Variants in NRG1 observed in about 807,000 individuals in gnomAD.
The protein encoded by NRG1 is pro-neuregulin-1, membrane-bound isoform.
In NRG1, 18 loss-of-function variants were observed where a neutral mutation model predicts 63.8. The ratio of observed to expected loss-of-function variants is 0.28; its 90% confidence interval spans 0.19 to 0.42. NRG1 has a LOEUF of 0.42. Ranked by LOEUF, NRG1 falls within the 10% of genes least tolerant of loss-of-function variation. NRG1 has a pLI of 1.00. For synonymous variants in NRG1, 302 were observed against 301.3 expected, an observed-to-expected ratio of 1.00 and a Z score of -0.02; for missense variants, 762 against 814.7, an observed-to-expected ratio of 0.94 and a Z score of 0.79.
intron 1 of NRG1, among the ~76,000 whole-genome samples, chr8:32,177,361 G>A (rs1840899540): frequency 6.6e-6 from 1 of 151,766 alleles, no homozygotes; most frequent in Non-Finnish European, 1.5e-5. Flanking sequence ...ATAGCATTAG[G>A]AGGTATACCT....
chr8:32,182,395 C>T (rs972351151), intron 1 of NRG1, among the ~76,000 whole-genome samples: 9 of 152,094 alleles, frequency 5.9e-5, no homozygotes, highest in Non-Finnish European at 1.3e-4. Flanking sequence ...TACAGGCATG[C>T]GCCACCATAC....
intron 1 of NRG1, among the ~76,000 whole-genome samples, chr8:32,096,747 C>T (rs1829950779): frequency 6.6e-6 from 1 of 152,160 alleles, no homozygotes. Flanking sequence ...GGAATTAACT[C>T]ACTCCCGATC....
chr8:31,827,726 C>A (rs967698652), intron 1 of NRG1, among the ~76,000 whole-genome samples: 1 of 152,156 alleles, frequency 6.6e-6, no homozygotes, highest in Non-Finnish European at 1.5e-5. Flanking sequence ...CTCTCTTCTT[C>A]TTTCTCTTTA....
intron 1 of NRG1, among the ~76,000 whole-genome samples, chr8:32,056,364 C>T (rs1008824895): frequency 6.6e-6 from 1 of 152,182 alleles, no homozygotes; most frequent in Admixed American, 6.6e-5. Flanking sequence ...CTGCTTTAGT[C>T]GCTGTGACCA....
At chr8:32,413,757 C>T (rs924007113) in intron 1 of NRG1, among the ~76,000 whole-genome samples, 1 of 152,136 alleles carries the variant, frequency 6.6e-6, no homozygotes, top group African/African-American at 2.4e-5. Context: ...CAGTGTGCAT[C>T]TCTAGCACAC....
intron 1 of NRG1, among the ~76,000 whole-genome samples, chr8:31,663,690 C>T (rs1464631747): frequency 1.3e-5 from 2 of 152,110 alleles, no homozygotes; most frequent in East Asian, 3.9e-4. Flanking sequence ...GGGAAGAGGG[C>T]TGGGTTATGT....
At chr8:32,010,477 T>G (rs1446480332) in intron 1 of NRG1, among the ~76,000 whole-genome samples, 4 of 152,086 alleles carry the variant, frequency 2.6e-5, no homozygotes, top group African/African-American at 9.7e-5. Flanking sequence ...CTGCTTTCTC[T>G]GAAATCAACT....
At chr8:32,649,769 G>A (rs1854596186) in intron 5 of NRG1, among the ~76,000 whole-genome samples, 1 of 152,130 alleles carries the variant, frequency 6.6e-6, no homozygotes, top group Non-Finnish European at 1.5e-5. Context: ...TCATGCAGAC[G>A]CTGCTTTGTA....
intron 1 of NRG1, among the ~76,000 whole-genome samples, chr8:32,104,160 T>C (rs1830951048): frequency 6.6e-6 from 1 of 152,184 alleles, no homozygotes; most frequent in Admixed American, 6.6e-5. Flanking sequence ...ACATACTACA[T>C]ACTAGGCTTA....
intron 5 of NRG1, among the ~76,000 whole-genome samples, chr8:32,627,224 A>G (rs1377516062): frequency 6.6e-6 from 1 of 152,126 alleles, no homozygotes; most frequent in Non-Finnish European, 1.5e-5. Flanking sequence ...TCAAGAATAA[A>G]AGATTAGTGA....
chr8:31,650,308 C>T (rs796266625), intron 1 of NRG1, among the ~76,000 whole-genome samples: 25 of 152,250 alleles, frequency 1.6e-4, no homozygotes, highest in African/African-American at 5.8e-4. Context: ...GCCTTGTTCC[C>T]TACTTAGAAA....
intron 1 of NRG1, among the ~76,000 whole-genome samples, chr8:31,965,182 G>T (rs1344374000): frequency 6.6e-6 from 1 of 151,856 alleles, no homozygotes; most frequent in African/African-American, 2.4e-5. Context: ...ATCAACTGGT[G>T]ATGGACACTG....
At chr8:32,054,377 T>C (rs1822497791) in intron 1 of NRG1, among the ~76,000 whole-genome samples, 1 of 152,170 alleles carries the variant, frequency 6.6e-6, no homozygotes, top group African/African-American at 2.4e-5. Flanking sequence ...GTTAGCACTT[T>C]GAATGAGGGA....
Position 31,950,647 on chromosome 8 carries a change from T to G in NRG1, c.37+311216T>G, listed in dbSNP as rs181115236. Among the ~76,000 whole-genome samples the G allele has an allele frequency of 3.3e-5, 5 of 152,370 alleles. No homozygotes were observed. In the East Asian group the frequency reaches 7.7e-4, roughly 24 times the overall value. ...ATTGTTCTGAGGTTTAAGGCTTTGT[T>G]TTTTTCTTGGCTGTCTAGGCTCTCT... On this transcript the variant is annotated intron_variant, in intron 1 of 10. Coordinates refer to the NRG1 transcript ENST00000519301.
At chr8:32,584,001 A>G (rs183861363) in intron 1 of NRG1, among the ~76,000 whole-genome samples, 226 of 152,202 alleles carry the variant, frequency 1.5e-3, no homozygotes, top group Non-Finnish European at 2.6e-3. Context: ...GAAGCAGCTC[A>G]CTTTCACTTT....
intron 1 of NRG1, among the ~76,000 whole-genome samples, chr8:31,653,359 A>G (rs574163260): frequency 2.0e-5 from 3 of 152,150 alleles, no homozygotes; most frequent in African/African-American, 7.2e-5. Context: ...AACCGATGAT[A>G]CCCTTAATAT....
intron 1 of NRG1, among the ~76,000 whole-genome samples, chr8:31,694,420 T>A (rs1340495830): frequency 1.3e-5 from 2 of 152,234 alleles, no homozygotes; most frequent in Non-Finnish European, 2.9e-5. Flanking sequence ...CAAAATGTAA[T>A]AGCTGCTGAG....
intron 5 of NRG1, among the ~76,000 whole-genome samples, chr8:32,714,970 G>A (rs1336833578): frequency 1.3e-5 from 2 of 152,156 alleles, no homozygotes; most frequent in African/African-American, 4.8e-5. Flanking sequence ...AAGGGCCAAT[G>A]AAGGATTGCT....
chr8:31,868,146 TTACACACA>T (rs1355185275), intron 1 of NRG1, among the ~76,000 whole-genome samples: 17,207 of 115,770 alleles, frequency 0.15, 1,341 homozygotes, highest in Admixed American at 0.19. Flanking sequence ...CACATACATC[TTACACACA>T]CACACACACA....
Sources: allele counts gnomAD v4.1 joint callset (sites outside exome capture counted in the v4.1 genomes callset), GRCh38; gene constraint gnomAD v4.1.1; transcripts MANE v1.5; gene names NCBI Gene and HGNC (gene_info 2026-07-23, HGNC 2026-07-21).